SLX9: variants seen among roughly 807,000 people sequenced by gnomAD.
SLX9 encodes the protein ribosome biogenesis protein SLX9 homolog.
In SLX9, 19 loss-of-function variants were observed where a neutral mutation model predicts 20.8. The observed-to-expected ratio is 0.91, with a 90% CI of 0.64 to 1.34. The LOEUF is 1.34. SLX9 is among the 40% of genes most tolerant of loss of function. The pLI is 0.00. For synonymous variants in SLX9, 113 were observed against 137.1 expected (o/e 0.82, Z 1.23); for missense variants, 299 against 322.2 (o/e 0.93, Z 0.55).
At chr21:44,959,384 A>G (rs954094869) in intron 2 of SLX9, 9 of 419,486 alleles carry the variant, frequency 2.1e-5, no homozygotes, top group Admixed American at 6.4e-5. Flanking sequence ...TTTCAGAGCA[A>G]ACTGGAGTCA....
chr21:44,943,945 G>C, intron 2 of SLX9, 108 bp downstream of exon 2: 1 of 1,468,936 alleles, frequency 6.8e-7, no homozygotes, highest in Non-Finnish European at 9.3e-7. Flanking sequence ...ACCTGACAAT[G>C]TCCTTGAGCA....
At chr21:44,948,541 A>G (rs2084692738) in intron 2 of SLX9, among the ~76,000 whole-genome samples, 1 of 152,140 alleles carries the variant, frequency 6.6e-6, no homozygotes, top group African/African-American at 2.4e-5. Flanking sequence ...AAGCTCAGAG[A>G]CACAGGCAGG....
intron 4 of SLX9, chr21:44,969,054 A>G (rs2085092790): frequency 2.3e-6 from 1 of 434,834 alleles, no homozygotes; most frequent in Non-Finnish European, 4.9e-6. Context: ...CGCCTGGCCT[A>G]ATTTTGCTGT....
At chr21:44,949,512 C>G (rs1325881874) in intron 2 of SLX9, among the ~76,000 whole-genome samples, 2 of 152,164 alleles carry the variant, frequency 1.3e-5, no homozygotes, top group Non-Finnish European at 1.5e-5. Context: ...CCAGAACCCT[C>G]TGTGCAGCAG....
chr21:44,946,880 C>T (rs1235232171), intron 2 of SLX9, among the ~76,000 whole-genome samples: 1 of 152,228 alleles, frequency 6.6e-6, no homozygotes, highest in African/African-American at 2.4e-5. Flanking sequence ...ACTTCCCCTG[C>T]CCTGGGATGT....
intron 2 of SLX9, among the ~76,000 whole-genome samples, chr21:44,955,991 A>T (rs1485683540): frequency 6.6e-6 from 1 of 152,208 alleles, no homozygotes; most frequent in Non-Finnish European, 1.5e-5. Flanking sequence ...GATATGGACG[A>T]GGTGTCTGCT....
intron 2 of SLX9, 46 bp from the exon 3 acceptor site, chr21:44,960,054 T>C: frequency 6.4e-7 from 1 of 1,569,644 alleles, no homozygotes; most frequent in Non-Finnish European, 8.8e-7. Context: ...GTCATGGGAG[T>C]GCCACCTGGA....
intron 2 of SLX9, among the ~76,000 whole-genome samples, chr21:44,946,728 T>C (rs773008232): frequency 1.3e-5 from 2 of 152,236 alleles, no homozygotes; most frequent in Non-Finnish European, 2.9e-5. Context: ...GCCAGCCGTC[T>C]CTGGCTGTGG....
At chr21:44,942,558 A>G (rs1306477524) in intron 1 of SLX9, among the ~76,000 whole-genome samples, 1 of 152,184 alleles carries the variant, frequency 6.6e-6, no homozygotes, top group African/African-American at 2.4e-5. Context: ...TGTAATGTGA[A>G]GGAGGCCATG....
intron 2 of SLX9, among the ~76,000 whole-genome samples, chr21:44,949,691 ACGTCTG>A (rs2084717932): frequency 6.6e-6 from 1 of 152,048 alleles, no homozygotes; most frequent in South Asian, 2.1e-4. Flanking sequence ...TCAGTGGAAC[ACGTCTG>A]CGTCTGCAGG....
intron 4 of SLX9, among the ~76,000 whole-genome samples, chr21:44,970,385 G>T (rs2085121120): frequency 1.3e-5 from 2 of 152,148 alleles, no homozygotes; most frequent in African/African-American, 4.8e-5. Flanking sequence ...AGCTCCCTTT[G>T]GCCCCATTGA....
chr21:44,961,204 G>A (rs919266862), intron 3 of SLX9, among the ~76,000 whole-genome samples: 3 of 152,088 alleles, frequency 2.0e-5, no homozygotes, highest in African/African-American at 7.3e-5. Context: ...ATTCTTTGAT[G>A]ATGTGTAAAT....
In SLX9 at chr21:44,967,092, C is replaced by T; in HGVS notation, c.411C>T (p.Ala137=). 1 of 1,611,600 alleles carries T rather than the reference C, an allele frequency of 6.2e-7. No homozygotes were observed. The highest frequency in any genetic ancestry group is 8.5e-7 in the Non-Finnish European group (1 of 1,179,616). ...ACAGGGAGGAGCGGAGGCGGAGGGCCACGGTGGTGGTGGGGGACCTGCACC... is the reference window on the plus strand; with the variant it reads ...ACAGGGAGGAGCGGAGGCGGAGGGCTACGGTGGTGGTGGGGGACCTGCACC... ...QKHREERRRR[A]TVVVGDLHPL... is the part of the protein sequence containing the mutation. The change falls in exon 4 of 6, where the codon GCC becomes GCT. Residue 137 remains alanine, a synonymous_variant. Coordinates refer to ENST00000291634, the MANE Select transcript of SLX9 (RefSeq NM_058190.4).
chr21:44,943,447 TGGTGATTGAAGGCAGGGA>T (rs2084584845), intron 1 of SLX9, among the ~76,000 whole-genome samples: 1 of 152,204 alleles, frequency 6.6e-6, no homozygotes, highest in South Asian at 2.1e-4. Flanking sequence ...GAAGCCCGTC[TGGTGATTGAAGGCAGGGA>T]GCAGGTGGGC....
chr21:44,967,557 A>T (rs951283419), intron 4 of SLX9, among the ~76,000 whole-genome samples: 1 of 152,060 alleles, frequency 6.6e-6, no homozygotes, highest in Non-Finnish European at 1.5e-5. Flanking sequence ...TGCTGTGCTC[A>T]GCTGAGGCCC....
chr21:44,974,811 C>T (rs1320439535), intron 5 of SLX9, among the ~76,000 whole-genome samples: 1 of 152,200 alleles, frequency 6.6e-6, no homozygotes, highest in Non-Finnish European at 1.5e-5. Flanking sequence ...ACAGCAGAGC[C>T]CTCTCCGTGT....
chr21:44,948,283 C>G (rs139062668), intron 2 of SLX9, among the ~76,000 whole-genome samples: 18,959 of 137,280 alleles, frequency 0.14, 1,473 homozygotes, highest in Admixed American at 0.21. Flanking sequence ...GTCCGGGGAG[C>G]TGGTCGTGGA....
intron 2 of SLX9, 40 bp from the exon 3 acceptor site, chr21:44,960,060 C>T (rs1417915285): frequency 6.3e-7 from 1 of 1,594,322 alleles, no homozygotes; most frequent in Non-Finnish European, 8.6e-7. Flanking sequence ...GGAGTGCCAC[C>T]TGGACACGTT....
intron 3 of SLX9, among the ~76,000 whole-genome samples, chr21:44,966,796 G>A (rs958596131): frequency 6.6e-6 from 1 of 152,278 alleles, no homozygotes; most frequent in Non-Finnish European, 1.5e-5. Context: ...CTCAGTGGCT[G>A]CAGTTCCACC....
Sources: gnomAD v4.1 joint callset for allele counts (sites outside exome capture counted in the v4.1 genomes callset) on GRCh38, gnomAD v4.1.1 for gene constraint, MANE v1.5 for transcripts, NCBI Gene and HGNC (gene_info 2026-07-23, HGNC 2026-07-21) for gene names.